TENM3: variants seen among roughly 807,000 people sequenced by gnomAD.
TENM3 encodes the protein teneurin-3.
TENM3 carries 63 observed loss-of-function variants against 255.1 expected under a neutral mutation model. The ratio of observed to expected loss-of-function variants is 0.25; its 90% CI spans 0.20 to 0.30. The LOEUF is 0.30. Among genes scored for constraint, TENM3 ranks in the 10% least tolerant of loss-of-function variants. The pLI is 1.00. For synonymous variants in TENM3, 1,306 were observed against 1,322.3 expected (o/e 0.99, Z 0.27); for missense variants, 2,929 against 3,461.1 (o/e 0.85, Z 3.86).
At chr4:181,562,653 A>G in the TENM3 span, among the ~76,000 whole-genome samples, 3,629 of 152,054 alleles carry the variant, frequency 0.024, 73 homozygotes, top group Non-Finnish European at 0.031. Flanking sequence ...GAAAAGGAGA[A>G]CAGAGAACAA....
chr4:181,892,899 T>A, the TENM3 span, among the ~76,000 whole-genome samples: 1 of 152,224 alleles, frequency 6.6e-6, no homozygotes, highest in Non-Finnish European at 1.5e-5. Flanking sequence ...AGATTTAACA[T>A]TCCAGAAGAG....
chr4:182,123,890 C>T, the TENM3 span, among the ~76,000 whole-genome samples: 63,841 of 151,866 alleles, frequency 0.42, 13,595 homozygotes, highest in Admixed American at 0.51. Flanking sequence ...AGAAGAGTGA[C>T]AGCGTGGGGG....
the TENM3 span, among the ~76,000 whole-genome samples, chr4:181,592,256 A>AACACACACACACACACACAC: frequency 0.023 from 3,405 of 148,352 alleles, 140 homozygotes; most frequent in African/African-American, 0.077. Context: ...TTTAAACACA[A>AACACACACACACACACACAC]ACACACACAC....
intron 1 of TENM3, among the ~76,000 whole-genome samples, chr4:182,155,327 AGT>A (rs1750629733): frequency 6.6e-6 from 1 of 152,122 alleles, no homozygotes; most frequent in African/African-American, 2.4e-5. Context: ...CTACAGTATA[AGT>A]AATTCTGGTG....
chr4:181,968,247 C>CA, the TENM3 span, among the ~76,000 whole-genome samples: 1 of 152,122 alleles, frequency 6.6e-6, no homozygotes, highest in African/African-American at 2.4e-5. Context: ...TTCAGTGACC[C>CA]AAATCTGCAC....
chr4:181,729,670 T>A, the TENM3 span, among the ~76,000 whole-genome samples: 8 of 152,196 alleles, frequency 5.3e-5, no homozygotes, highest in Non-Finnish European at 1.2e-4. Flanking sequence ...TGGTCTAGGC[T>A]GCCAGGGTGG....
At chr4:182,337,011 T>C (rs1764187248) in intron 2 of TENM3, among the ~76,000 whole-genome samples, 1 of 152,194 alleles carries the variant, frequency 6.6e-6, no homozygotes, top group Non-Finnish European at 1.5e-5. Context: ...TGGTGAGTTC[T>C]AGGTCCAGAA....
the TENM3 span, among the ~76,000 whole-genome samples, chr4:181,543,117 A>G: frequency 2.6e-5 from 4 of 152,330 alleles, no homozygotes; most frequent in African/African-American, 7.2e-5. Flanking sequence ...ACATGGAAAG[A>G]CAGAACCCCT....
chr4:181,588,342 G>A, the TENM3 span, among the ~76,000 whole-genome samples: 1 of 152,236 alleles, frequency 6.6e-6, no homozygotes, highest in East Asian at 1.9e-4. Context: ...AGGATTCGTT[G>A]ACACCTAAAA....
chr4:182,378,050 C>T (rs1218001962), intron 3 of TENM3, among the ~76,000 whole-genome samples: 4 of 151,752 alleles, frequency 2.6e-5, no homozygotes, highest in Admixed American at 1.3e-4. Context: ...GAAGGCAGTT[C>T]GCTTGCAAGG....
intron 3 of TENM3, among the ~76,000 whole-genome samples, chr4:182,446,711 C>T (rs1319510848): frequency 6.6e-6 from 1 of 152,050 alleles, no homozygotes; most frequent in Non-Finnish European, 1.5e-5. Flanking sequence ...CTGCCTGCCT[C>T]CATCTCCCAA....
chr4:181,686,895 A>T, the TENM3 span, among the ~76,000 whole-genome samples: 3 of 152,184 alleles, frequency 2.0e-5, no homozygotes, highest in African/African-American at 4.8e-5. Context: ...AATAGAACAA[A>T]GTAGATTTCC....
the TENM3 span, among the ~76,000 whole-genome samples, chr4:181,551,223 A>G: frequency 6.6e-6 from 1 of 152,172 alleles, no homozygotes; most frequent in African/African-American, 2.4e-5. Flanking sequence ...GGAAGCATAT[A>G]TTTTGTTCCT....
chr4:182,165,486 C>T (rs13143453), intron 1 of TENM3, among the ~76,000 whole-genome samples: 40,511 of 152,132 alleles, frequency 0.27, 6,762 homozygotes, highest in Non-Finnish European at 0.38. Context: ...CACGTTCCGT[C>T]GTGTTCCTGA....
chr4:181,514,665 T>C, the TENM3 span, among the ~76,000 whole-genome samples: 1 of 152,132 alleles, frequency 6.6e-6, no homozygotes, highest in Non-Finnish European at 1.5e-5. Context: ...ATGGCAGCTG[T>C]TTGTGACTCC....
At chr4:182,436,823 G>T (rs1029663943) in intron 3 of TENM3, among the ~76,000 whole-genome samples, 28 of 152,134 alleles carry the variant, frequency 1.8e-4, no homozygotes, top group African/African-American at 6.5e-4. Context: ...TTCGAGACCA[G>T]CCTGGCCAAC....
At chr4:182,159,626 G>A (rs1750969977) in intron 1 of TENM3, among the ~76,000 whole-genome samples, 1 of 152,134 alleles carries the variant, frequency 6.6e-6, no homozygotes, top group South Asian at 2.1e-4. Context: ...TTTAATTAAT[G>A]AATAATTCTT....
chr4:182,202,794 C>T (rs190073977), intron 1 of TENM3, among the ~76,000 whole-genome samples: 89 of 152,268 alleles, frequency 5.8e-4, no homozygotes, highest in African/African-American at 2.0e-3. Context: ...GAAGTGCAGG[C>T]GGCTCATCCA....
At chr4:182,356,973 T>G (rs1042579283) in intron 3 of TENM3, among the ~76,000 whole-genome samples, 2 of 151,298 alleles carry the variant, frequency 1.3e-5, no homozygotes, top group Non-Finnish European at 2.9e-5. Flanking sequence ...CGGTGTTTGG[T>G]TTTTTGTTCT....
Sources: gnomAD v4.1 joint callset for allele counts (sites outside exome capture counted in the v4.1 genomes callset) on GRCh38, gnomAD v4.1.1 for gene constraint, MANE v1.5 for transcripts, NCBI Gene and HGNC (gene_info 2026-07-23, HGNC 2026-07-21) for gene names.